The following CDC25B variants were observed in gnomAD, a reference collection of about 807,000 sequenced individuals.
CDC25B encodes the protein cell division cycle 25B.
CDC25B carries 33 observed loss-of-function variants against 69.8 expected under a neutral mutation model. That is an observed-to-expected ratio of 0.47 (90% confidence interval 0.36 to 0.63). CDC25B has a LOEUF of 0.63. Ranked by LOEUF, CDC25B falls within the 30% of genes least tolerant of loss-of-function variation. The pLI, the probability that CDC25B is intolerant of heterozygous loss-of-function variation, is 0.00. For synonymous variants in CDC25B, 341 were observed against 314.6 expected, an observed-to-expected ratio of 1.08 and a Z score of -0.89; for missense variants, 727 against 809.1, an observed-to-expected ratio of 0.90 and a Z score of 1.23.
At chr20:3,789,097 G>A (rs1439872472) in intron 1 of CDC25B, among the ~76,000 whole-genome samples, 1 of 152,266 alleles carries the variant, frequency 6.6e-6, no homozygotes, top group South Asian at 2.1e-4. Flanking sequence ...TCCATCTGAG[G>A]CCCCGGGCTT....
intron 1 of CDC25B, among the ~76,000 whole-genome samples, chr20:3,789,032 A>G (rs564887029): frequency 6.6e-6 from 1 of 152,280 alleles, no homozygotes; most frequent in Admixed American, 6.5e-5. Flanking sequence ...CTTTGCCTGT[A>G]GCAGTGCACG....
At chr20:3,799,525 T>TGTGCGCGCGCGCGC (rs1211874383) in intron 3 of CDC25B, among the ~76,000 whole-genome samples, 1 of 68,688 alleles carries the variant, frequency 1.5e-5, no homozygotes, top group African/African-American at 4.8e-5. Flanking sequence ...TGTGTGTGTG[T>TGTGCGCGCGCGCGC]GCGCGCGCGC....
intron 1 of CDC25B, among the ~76,000 whole-genome samples, chr20:3,787,757 T>G (rs1394447398): frequency 6.6e-6 from 1 of 152,054 alleles, no homozygotes; most frequent in Non-Finnish European, 1.5e-5. Flanking sequence ...GCTGAGGACC[T>G]GGGGCTGGAT....
At chr20:3,788,142 A>AAAGAAAG (rs2088855200) in intron 1 of CDC25B, among the ~76,000 whole-genome samples, 2 of 149,974 alleles carry the variant, frequency 1.3e-5, no homozygotes, top group South Asian at 2.1e-4. Context: ...ATCTCAAAAA[A>AAAGAAAG]AAAGAAAGAA....
chr20:3,796,400 TCTTC>T lies in CDC25B; in HGVS notation c.-129_-126del. On this transcript the variant is annotated 5_prime_UTR_variant, in exon 1 of 16. Coordinates refer to ENST00000245960, the MANE Select transcript of CDC25B (RefSeq NM_021873.4). The stretch of plus-strand genomic sequence containing the variant: ...CCTCCCTCGCGCCTGGCCCTGTGGC[TCTTC>T]CTCCCTCCCTCCTTCCCCCCCCCCC... 1 of 508,950 alleles carries T rather than the reference TCTTC, an allele frequency of 2.0e-6. No homozygotes were observed. Among genetic ancestry groups the T allele is most frequent in the Non-Finnish European group, 2.3e-6 (1 of 433,516 alleles). 31.5% of individuals were successfully genotyped at this position (508,950 alleles called of 1,614,324 possible).
chr20:3,798,508 T>A, intron 3 of CDC25B, 45 bp downstream of exon 3: 1 of 1,425,702 alleles, frequency 7.0e-7, no homozygotes, highest in Non-Finnish European at 9.7e-7. Flanking sequence ...TCAGCACCTG[T>A]CTTTAAGAAT....
rs188808014 is a variant in CDC25B at position 3,789,873 on chromosome 20, G to C, written c.8+2734G>C. 5.3e-3 allele frequency among the ~76,000 whole-genome samples: 811 copies of C among 151,852 alleles called. 6 individuals carry two copies. Among genetic ancestry groups the C allele is most frequent in the African/African-American group, 0.019 (769 of 41,436 alleles). On this transcript the variant is annotated intron_variant, in intron 1 of 15. Transcript: ENST00000344256. ...GCATGGTGGCGGGCGCCTGTAGTCC[G>C]AGCTACTCAGGAGGCTGAGGCAGGA...
Position 3,805,469 on chromosome 20 carries a change from T to C in CDC25B, c.*508T>C, listed in dbSNP as rs2089445540. On this transcript the variant is annotated 3_prime_UTR_variant, in exon 16 of 16. Coordinates refer to ENST00000245960, the MANE Select transcript of CDC25B (RefSeq NM_021873.4). The stretch of plus-strand genomic sequence containing the variant: ...TGTCTGCCATGTTGCCCCTTTCTCT[T>C]TTCCCCTTTCCTGTCCCACCATACG... The C allele has an allele frequency of 3.5e-6, 1 of 284,810 alleles. No individual in the cohort carries two copies. The highest frequency in any genetic ancestry group is 6.5e-6 in the Non-Finnish European group (1 of 153,494). The allele number at this position is 284,810 out of a possible 1,614,324, so 17.6% of individuals were successfully genotyped here.
chr20:3,787,576 T>A (rs1176193660), intron 1 of CDC25B, among the ~76,000 whole-genome samples: 1 of 152,226 alleles, frequency 6.6e-6, no homozygotes, highest in Non-Finnish European at 1.5e-5. Flanking sequence ...AATAACATCA[T>A]GTATATACAT....
At chr20:3,799,047 TG>T (rs2089169194) in intron 3 of CDC25B, among the ~76,000 whole-genome samples, 1 of 152,096 alleles carries the variant, frequency 6.6e-6, no homozygotes, top group Admixed American at 6.5e-5. Context: ...GCTGTGGGCA[TG>T]GGTGGTGTCT....
chr20:3,792,686 T>C (rs770605352), upstream of CDC25B, among the ~76,000 whole-genome samples: 26 of 152,164 alleles, frequency 1.7e-4, no homozygotes, highest in Non-Finnish European at 2.6e-4. Flanking sequence ...CAGGCTGGTC[T>C]CAAACTCCTG....
At chr20:3,800,211 G>GGACTGGAGACCTGGTGCTAGT (rs2089225530) in intron 3 of CDC25B, 77 bp from the exon 4 acceptor site, 3 of 1,347,492 alleles carry the variant, frequency 2.2e-6, no homozygotes, top group African/African-American at 2.7e-5. Context: ...ACTCCCCCCT[G>GGACTGGAGACCTGGTGCTAGT]GACTGGGGGC....
Position 3,802,065 on chromosome 20 carries a change from A to AC in CDC25B, c.1067dup (p.Pro357SerfsTer2). On this transcript the variant is annotated frameshift_variant, in exon 10 of 16. Coordinates refer to ENST00000245960, the MANE Select transcript of CDC25B (RefSeq NM_021873.4). LOFTEE classifies it high-confidence loss of function. ...GCAGAATAAGCGGAGGCGGAGCGTG[A>AC]CCCCTCCTGAGGAGCAGCAGGAGGC... The AC allele has an allele frequency of 6.4e-7, 1 of 1,561,682 alleles. No homozygotes were observed. Among genetic ancestry groups the AC allele is most frequent in the Non-Finnish European group, 8.7e-7 (1 of 1,152,984 alleles).
intron 1 of CDC25B, among the ~76,000 whole-genome samples, chr20:3,791,123 G>T (rs1212969935): frequency 6.6e-6 from 1 of 152,184 alleles, no homozygotes; most frequent in Non-Finnish European, 1.5e-5. Flanking sequence ...CTCCTTAAAG[G>T]TTGCATGTAT....
Position 3,801,821 on chromosome 20 carries a change from C to A in CDC25B, c.921+19C>A. The A allele has an allele frequency of 6.3e-7, 1 of 1,590,336 alleles. No homozygotes were observed. Among genetic ancestry groups the A allele is most frequent in the Non-Finnish European group, 8.6e-7 (1 of 1,168,416 alleles). ...GGAAAAGGTGGGCCTCTGGGGTGGC[C>A]CCCTCCGAATTTGGAGGCATGGGGT... On this transcript the variant is annotated intron_variant, in intron 9 of 15. Transcript: ENST00000245960.
intron 5 of CDC25B, 81 bp from the exon 6 acceptor site, chr20:3,800,662 G>A: frequency 6.3e-7 from 1 of 1,595,928 alleles, no homozygotes. Context: ...CTGGAGGAGA[G>A]GTGGAGAAGG....
At chr20:3,795,362 A>AAAAAC (rs1555772788), upstream of CDC25B, among the ~76,000 whole-genome samples, 1 of 111,084 alleles carries the variant, frequency 9.0e-6, no homozygotes, top group Non-Finnish European at 1.9e-5. Flanking sequence ...CCATCCCAAA[A>AAAAAC]AAAACAAAAC....
intron 5 of CDC25B, 61 bp from the exon 6 acceptor site, chr20:3,800,682 G>A: frequency 6.2e-7 from 1 of 1,600,004 alleles, no homozygotes; most frequent in Non-Finnish European, 8.5e-7. Flanking sequence ...GTAGGGCCTG[G>A]GCTCGTGCCG....
In CDC25B at chr20:3,796,413, C is replaced by T; in HGVS notation, c.-119C>T. On this transcript the variant is annotated 5_prime_UTR_variant, in exon 1 of 16. Transcript: ENST00000245960. ...TGGCCCTGTGGCTCTTCCTCCCTCC[C>T]TCCTTCCCCCCCCCCCCACCCCTCG... is the stretch of plus-strand genomic sequence containing the variant. 18 of 570,198 alleles carry T rather than the reference C, an allele frequency of 3.2e-5. No individual in the cohort carries two copies. The highest frequency in any genetic ancestry group is 3.6e-5 in the Non-Finnish European group (17 of 475,520). 35.3% of individuals were successfully genotyped at this position (570,198 alleles called of 1,614,324 possible). A position where few individuals can be genotyped will look rare whatever the true frequency, so the allele number is the denominator to read the frequency against.
Sources: gnomAD v4.1 joint callset for allele counts (sites outside exome capture counted in the v4.1 genomes callset) on GRCh38, gnomAD v4.1.1 for gene constraint, MANE v1.5 for transcripts, NCBI Gene and HGNC (gene_info 2026-07-23, HGNC 2026-07-21) for gene names.